FAM13A: variants seen among roughly 807,000 people sequenced by gnomAD.
FAM13A encodes the protein family with sequence similarity 13 member A.
Under a neutral mutation model 129.6 loss-of-function variants are expected in FAM13A, and 76 were observed. That is an observed-to-expected ratio of 0.59 (90% CI 0.49 to 0.71). The LOEUF (loss-of-function observed/expected upper bound fraction) is 0.71, where lower values mean the gene tolerates loss of function less well. FAM13A is among the 30% of genes least tolerant of loss of function. The pLI is 0.00. For missense variants in FAM13A, 1,108 were observed against 1,249.3 expected (o/e 0.89, Z 1.70); for synonymous variants, 443 against 449.9 (o/e 0.98, Z 0.20).
At chr4:88,834,849 T>A (rs183233663) in intron 7 of FAM13A, among the ~76,000 whole-genome samples, 1 of 152,214 alleles carries the variant, frequency 6.6e-6, no homozygotes, top group East Asian at 1.9e-4. Flanking sequence ...AATACTATTA[T>A]CTCTCTCTTC....
chr4:88,750,148 C>A (rs1168538985), intron 15 of FAM13A, among the ~76,000 whole-genome samples: 1 of 152,164 alleles, frequency 6.6e-6, no homozygotes, highest in Non-Finnish European at 1.5e-5. Flanking sequence ...CAAAGTAGGA[C>A]TGGACATCAA....
chr4:88,737,494 G>A lies in FAM13A; in HGVS notation c.2624C>T (p.Ala875Val), dbSNP rs368755056. The change falls in exon 21 of 24, where the codon GCT becomes GTT. Residue 875 changes from alanine to valine, a missense_variant. Ala to Val is a moderately conservative substitution (Grantham distance 64). This residue lies in a region of FAM13A where 529 missense variants were observed against 621.2 expected (regional missense o/e 0.85). Coordinates refer to ENST00000264344, the MANE Select transcript of FAM13A (RefSeq NM_014883.4). The part of the protein sequence containing the change: ...LLQPIIEGET[A>V]SFFKEIKEEE... ...CACCTTTATCTCCTTGAAGAAGGAA[G>A]CAGTTTCGCCCTCGATAATTGGCTG... The A allele has an allele frequency of 8.1e-6, 13 of 1,613,972 alleles. No individual in the cohort carries two copies. Among genetic ancestry groups the A allele is most frequent in the Non-Finnish European group, 1.1e-5 (13 of 1,179,962 alleles).
intron 4 of FAM13A, among the ~76,000 whole-genome samples, chr4:88,938,549 T>C (rs943692356): frequency 1.3e-5 from 2 of 151,976 alleles, no homozygotes; most frequent in Non-Finnish European, 2.9e-5. Context: ...TATATAAAAG[T>C]AAAAAAAGAA....
intron 4 of FAM13A, chr4:88,989,665 C>T (rs1433432535): frequency 1.3e-5 from 2 of 152,176 alleles, no homozygotes; most frequent in Non-Finnish European, 2.9e-5. Flanking sequence ...AATAGAAAAA[C>T]TGTAAAACCA....
intron 23 of FAM13A, chr4:88,729,270 A>C (rs1295035344): frequency 1.3e-5 from 2 of 152,346 alleles, no homozygotes; most frequent in African/African-American, 4.8e-5. Context: ...ATGATCTGAT[A>C]GAACCCTTAT....
At chr4:88,923,020 T>C (rs1376135017) in intron 5 of FAM13A, among the ~76,000 whole-genome samples, 1 of 152,168 alleles carries the variant, frequency 6.6e-6, no homozygotes, top group East Asian at 1.9e-4. Flanking sequence ...AATCTCTGAA[T>C]AGACCAATAA....
At chr4:88,849,687 T>A (rs1737225726) in intron 7 of FAM13A, among the ~76,000 whole-genome samples, 1 of 152,206 alleles carries the variant, frequency 6.6e-6, no homozygotes, top group Admixed American at 6.5e-5. Context: ...TATTAGAATG[T>A]ACGGTTCCTT....
chr4:88,816,181 T>C (rs1730683489), intron 7 of FAM13A, among the ~76,000 whole-genome samples: 1 of 152,156 alleles, frequency 6.6e-6, no homozygotes, highest in Non-Finnish European at 1.5e-5. Context: ...TTCCTTAAAC[T>C]GCATTAATGA....
chr4:88,870,662 C>T (rs1275479928), intron 6 of FAM13A, among the ~76,000 whole-genome samples: 1 of 152,078 alleles, frequency 6.6e-6, no homozygotes. Context: ...CTACCGCAGC[C>T]TGCCTCTGCA....
intron 7 of FAM13A, among the ~76,000 whole-genome samples, chr4:88,819,305 C>T (rs1731421111): frequency 6.6e-6 from 1 of 152,210 alleles, no homozygotes; most frequent in African/African-American, 2.4e-5. Flanking sequence ...CCACATCAAT[C>T]ATCAGCACTC....
intron 23 of FAM13A, chr4:88,729,677 C>A (rs1737211453): frequency 6.6e-6 from 1 of 152,162 alleles, no homozygotes; most frequent in Non-Finnish European, 1.5e-5. Context: ...AGTCATGGAA[C>A]CAGAGCTTAT....
In FAM13A at chr4:88,804,089, A is replaced by G. The variant is rs566142549; in HGVS notation, c.1049+922T>C. 2.6e-5 allele frequency among the ~76,000 whole-genome samples: 4 copies of G among 151,934 alleles called. No individual in the cohort carries two copies. In the East Asian group the frequency reaches 7.8e-4, roughly 30 times the overall value. ...GGCCAAGATGGTGAAACCCTGTTCT[A>G]CTAAAAATACAAAAATTAGCCGGGC... is the stretch of plus-strand genomic sequence containing the variant. On this transcript the variant is annotated intron_variant, in intron 8 of 23. Coordinates refer to ENST00000264344, the MANE Select transcript of FAM13A (RefSeq NM_014883.4).
At chr4:88,839,645 G>C (rs1735465053) in intron 7 of FAM13A, among the ~76,000 whole-genome samples, 1 of 152,168 alleles carries the variant, frequency 6.6e-6, no homozygotes, top group Non-Finnish European at 1.5e-5. Flanking sequence ...CCAATACTTT[G>C]GGAGGCTGAG....
At chr4:88,961,740 T>A (rs1239730985) in intron 4 of FAM13A, among the ~76,000 whole-genome samples, 1 of 152,140 alleles carries the variant, frequency 6.6e-6, no homozygotes, top group Non-Finnish European at 1.5e-5. Context: ...ACATGATAGA[T>A]GTTAACTGTA....
chr4:88,912,643 A>G lies in FAM13A; in HGVS notation c.760-6181T>C, dbSNP rs542735006. Among the ~76,000 whole-genome samples the G allele has an allele frequency of 7.2e-5, 11 of 152,088 alleles. No homozygotes were observed. In the East Asian group the frequency reaches 1.5e-3, roughly 21 times the overall value. ...TCTCTGGAAAACCTTGAACATATACAGGAGGAAAACATTTTCCTACTCACC... is the reference window on the plus strand; with the variant it reads ...TCTCTGGAAAACCTTGAACATATACGGGAGGAAAACATTTTCCTACTCACC... On this transcript the variant is annotated intron_variant, in intron 5 of 23. Coordinates refer to ENST00000264344, the MANE Select transcript of FAM13A (RefSeq NM_014883.4).
At chr4:89,028,420 T>C (rs1768264390) in intron 2 of FAM13A, among the ~76,000 whole-genome samples, 1 of 151,792 alleles carries the variant, frequency 6.6e-6, no homozygotes, top group African/African-American at 2.4e-5. Context: ...TCATGGCTCA[T>C]GCCTATAATC....
rs78296692 is a variant in FAM13A, at chr4:88,948,077, C to G, written c.606-9836G>C. On this transcript the variant is annotated intron_variant, in intron 4 of 23. Coordinates refer to ENST00000264344, the MANE Select transcript of FAM13A (RefSeq NM_014883.4). ...CTGCTCTTGTCCCTCCAGTACATTA[C>G]TATGAATGTTAAACACTGGCTCCTA... Among the ~76,000 whole-genome samples the G allele has an allele frequency of 1.1e-3, 163 of 152,224 alleles. 1 individual carries two copies. Among genetic ancestry groups the G allele is most frequent in the African/African-American group, 3.7e-3 (155 of 41,548 alleles).
intron 3 of FAM13A, among the ~76,000 whole-genome samples, chr4:89,000,773 G>A (rs1389346817): frequency 6.6e-5 from 10 of 152,208 alleles, no homozygotes; most frequent in Admixed American, 6.5e-4. Context: ...AAAGTCAGAG[G>A]AGACCTTTCA....
chr4:88,988,037 T>A (rs1167744338), intron 4 of FAM13A, among the ~76,000 whole-genome samples: 1 of 152,126 alleles, frequency 6.6e-6, no homozygotes, highest in South Asian at 2.1e-4. Context: ...ACAGCTAATG[T>A]ATACTGTGCT....
Sources: allele counts gnomAD v4.1 joint callset (sites outside exome capture counted in the v4.1 genomes callset), GRCh38; gene constraint gnomAD v4.1.1; regional missense constraint gnomAD v4.1.1; transcripts MANE v1.5; gene names NCBI Gene and HGNC (gene_info 2026-07-23, HGNC 2026-07-21).